The following SLC1A1 variants were observed in gnomAD, a reference collection of about 807,000 sequenced individuals.
SLC1A1 encodes solute carrier family 1 member 1, also known as excitatory amino acid transporter 3.
In SLC1A1, 43 loss-of-function variants were observed where a neutral mutation model predicts 53.3. That is an observed-to-expected ratio of 0.81 (90% confidence interval 0.63 to 1.04). SLC1A1 has a LOEUF of 1.04. Among genes scored for constraint, SLC1A1 ranks in the 50% least tolerant of loss-of-function variants. The pLI, the probability that SLC1A1 is intolerant of heterozygous loss-of-function variation, is 0.00. For synonymous variants in SLC1A1, 307 were observed against 243.2 expected (o/e 1.26, Z -2.44); for missense variants, 748 against 664.9 (o/e 1.12, Z -1.37).
At chr9:4,532,572 C>T (rs867792901) in intron 1 of SLC1A1, among the ~76,000 whole-genome samples, 23 of 152,042 alleles carry the variant, frequency 1.5e-4, no homozygotes, top group Middle Eastern at 3.4e-3. Context: ...GTGAAAAGAC[C>T]AAATCTACAT....
intron 1 of SLC1A1, among the ~76,000 whole-genome samples, chr9:4,500,922 G>A (rs1467211612): frequency 6.6e-6 from 1 of 152,120 alleles, no homozygotes; most frequent in Non-Finnish European, 1.5e-5. Context: ...CCCAGCCTCG[G>A]CTATGTGAGC....
At chr9:4,580,702 G>C (rs900237150) in intron 10 of SLC1A1, among the ~76,000 whole-genome samples, 5 of 149,078 alleles carry the variant, frequency 3.4e-5, no homozygotes, top group Non-Finnish European at 7.4e-5. Context: ...CCTAGAAAGA[G>C]CTGAGAGAAA....
chr9:4,542,147 AG>A (rs1817069147), intron 1 of SLC1A1, among the ~76,000 whole-genome samples: 1 of 148,860 alleles, frequency 6.7e-6, no homozygotes, highest in Non-Finnish European at 1.5e-5. Flanking sequence ...TCTTCTTTTT[AG>A]AAAGGAAAGG....
At chr9:4,571,944 A>T (rs1197138961) in intron 6 of SLC1A1, among the ~76,000 whole-genome samples, 1 of 152,238 alleles carries the variant, frequency 6.6e-6, no homozygotes, top group African/African-American at 2.4e-5. Context: ...TTCCAGAATA[A>T]GAAATCTTTA....
intron 1 of SLC1A1, among the ~76,000 whole-genome samples, chr9:4,498,633 A>G (rs1461561671): frequency 6.6e-6 from 1 of 151,950 alleles, no homozygotes; most frequent in Non-Finnish European, 1.5e-5. Flanking sequence ...AAAGTGATGA[A>G]AACAGACAAG....
rs533326842 is a variant in SLC1A1, at chr9:4,544,667, A to T, written c.192A>T (p.Lys64Asn). 3.5e-5 allele frequency: 57 copies of T among 1,613,520 alleles called. No homozygotes were observed. Among genetic ancestry groups the T allele is most frequent in the Non-Finnish European group, 2.1e-5 (25 of 1,179,610 alleles). ...GAGAAATTCTAATGCGGATGCTGAA[A>T]CTCATCATTTTGCCATTAATTATAT... Reference protein sequence around the residue: ...FPGEILMRMLKLIILPLIISS... With the variant: ...FPGEILMRMLNLIILPLIISS... The change falls in exon 2 of 12, where the codon AAA becomes AAT. Residue 64 changes from lysine (K) to asparagine (N), a missense_variant. Transcript: ENST00000262352.
At chr9:4,503,939 T>C (rs1007170976) in intron 1 of SLC1A1, among the ~76,000 whole-genome samples, 1 of 148,218 alleles carries the variant, frequency 6.7e-6, no homozygotes, top group African/African-American at 2.6e-5. Flanking sequence ...GTGAAGACCA[T>C]GAGGAACTCT....
intron 1 of SLC1A1, among the ~76,000 whole-genome samples, chr9:4,533,390 C>CA (rs1816551335): frequency 6.6e-6 from 1 of 151,510 alleles, no homozygotes; most frequent in Non-Finnish European, 1.5e-5. Context: ...AAATGGAAAA[C>CA]AAAAAAAGGC....
chr9:4,544,066 C>T (rs188361793), intron 1 of SLC1A1, among the ~76,000 whole-genome samples: 1 of 152,014 alleles, frequency 6.6e-6, no homozygotes, highest in Non-Finnish European at 1.5e-5. Flanking sequence ...GTCCTAGCTA[C>T]TCGGGAGGCT....
In SLC1A1 at chr9:4,572,353, T is replaced by C. The variant is rs1820132664; in HGVS notation, c.732T>C (p.Ser244=). ...TGGTGGATTTCTTCAATGCTTTGAG[T>C]GATGCAACCATGAAAATCGTTCAGA... ...QILVDFFNAL[S]DATMKIVQII... The change falls in exon 7 of 12, where the codon AGT becomes AGC. Residue 244 remains serine, a synonymous_variant. Transcript: ENST00000262352. 6.2e-7 allele frequency: 1 copy of C among 1,614,030 alleles called. No individual in the cohort carries two copies. The highest frequency in any genetic ancestry group is 8.5e-7 in the Non-Finnish European group (1 of 1,180,020).
chr9:4,515,339 T>C (rs12338459), intron 1 of SLC1A1, among the ~76,000 whole-genome samples: 46,705 of 151,946 alleles, frequency 0.31, 7,343 homozygotes, highest in African/African-American at 0.37. Context: ...AGATATTCTA[T>C]AGGCCTATTT....
chr9:4,585,807 T>C lies in SLC1A1; in HGVS notation c.*249T>C. 3.9e-6 allele frequency: 2 copies of C among 517,460 alleles called. No individual in the cohort carries two copies. The highest frequency in any genetic ancestry group is 3.5e-5 in the East Asian group (1 of 28,782). The allele number at this position is 517,460 out of a possible 1,614,324, so 32.1% of individuals were successfully genotyped here. ...TATTATCTGGGTTTTAGAAATTCTA[T>C]AAGAGACAAAGTTTGGAAGTACATA... On this transcript the variant is annotated 3_prime_UTR_variant, in exon 12 of 12. Transcript: ENST00000262352.
intron 2 of SLC1A1, among the ~76,000 whole-genome samples, chr9:4,559,157 T>C (rs967362613): frequency 4.6e-5 from 7 of 152,222 alleles, no homozygotes; most frequent in African/African-American, 1.2e-4. Context: ...CCTTGCCTAA[T>C]TGTTATCTTT....
intron 1 of SLC1A1, among the ~76,000 whole-genome samples, chr9:4,517,506 CTTCTTGTG>C (rs1451732679): frequency 6.6e-6 from 1 of 152,180 alleles, no homozygotes; most frequent in African/African-American, 2.4e-5. Flanking sequence ...CCACGGGAGG[CTTCTTGTG>C]TTCCACGTGC....
At chr9:4,508,233 A>G (rs1820868572) in intron 1 of SLC1A1, among the ~76,000 whole-genome samples, 1 of 152,202 alleles carries the variant, frequency 6.6e-6, no homozygotes, top group South Asian at 2.1e-4. Context: ...AAGTAGAATA[A>G]AGAGAGTCAA....
At position 4,561,234 on chromosome 9, in the gene SLC1A1, G is replaced by A. The variant is rs556543027; in HGVS notation, c.233-215G>A. On this transcript the variant is annotated intron_variant, in intron 2 of 11. Coordinates refer to ENST00000262352, the MANE Select transcript of SLC1A1 (RefSeq NM_004170.6). ...CTCCTGGAGGTGAAGGCTGTGGGAA[G>A]CTGCCTGCAGGGGAACTTGCACCTG... Among the ~76,000 whole-genome samples the A allele has an allele frequency of 3.7e-4, 57 of 152,324 alleles. 3 individuals are homozygous for A. The South Asian group carries it at 0.011, about 29-fold the overall frequency.
chr9:4,564,563 CT>C, intron 4 of SLC1A1, 105 bp downstream of exon 4: 1 of 767,762 alleles, frequency 1.3e-6, no homozygotes, highest in Non-Finnish European at 2.3e-6. Flanking sequence ...TTTTTAATAA[CT>C]TTTGAATTAT....
At chr9:4,517,738 C>G (rs1423726241) in intron 1 of SLC1A1, among the ~76,000 whole-genome samples, 2 of 152,098 alleles carry the variant, frequency 1.3e-5, no homozygotes, top group Non-Finnish European at 1.5e-5. Flanking sequence ...TTTTTAGTTT[C>G]TCTTTAAAAA....
At chr9:4,525,635 A>G (rs1816232553) in intron 1 of SLC1A1, among the ~76,000 whole-genome samples, 1 of 152,210 alleles carries the variant, frequency 6.6e-6, no homozygotes, top group Non-Finnish European at 1.5e-5. Context: ...TAGATAATAG[A>G]AAAATGATAG....
Sources: gnomAD v4.1 joint callset for allele counts (sites outside exome capture counted in the v4.1 genomes callset) on GRCh38, gnomAD v4.1.1 for gene constraint, MANE v1.5 for transcripts, NCBI Gene and HGNC (gene_info 2026-07-23, HGNC 2026-07-21) for gene names.